The following MAP3K10 variants were observed in gnomAD, a reference collection of about 807,000 sequenced individuals.
MAP3K10 encodes MKN28 derived nonreceptor_type serine/threonine kinase.
MAP3K10 carries 22 observed loss-of-function variants against 75.0 expected under a neutral mutation model. That is an observed-to-expected ratio of 0.29 (90% CI 0.21 to 0.42). MAP3K10 has a LOEUF of 0.42. Among genes scored for constraint, MAP3K10 ranks in the 10% least tolerant of loss-of-function variants. The probability of loss-of-function intolerance (pLI) is 1.00; values close to 1 mark genes in which losing one functional copy is unlikely to be tolerated. For missense variants in MAP3K10, 1,165 were observed against 1,379.8 expected (o/e 0.84, Z 2.47); for synonymous variants, 599 against 612.9 (o/e 0.98, Z 0.34).
chr19:40,200,255 C>T (rs977817861), intron 2 of MAP3K10, among the ~76,000 whole-genome samples: 1 of 152,148 alleles, frequency 6.6e-6, no homozygotes, highest in African/African-American at 2.4e-5. Context: ...CGCCGTTGCA[C>T]TCCAGCCTGG....
chr19:40,201,512 T>A (rs1216174806), intron 2 of MAP3K10, among the ~76,000 whole-genome samples: 5 of 85,514 alleles, frequency 5.8e-5, no homozygotes, highest in African/African-American at 9.0e-5. Flanking sequence ...TTTTTTTTTT[T>A]AACAGGGTCT....
Position 40,205,165 on chromosome 19 carries a change from A to G in MAP3K10, c.1057A>G (p.Ile353Val). ...DPHGRPDFGSILKRLEVIEQS... is the reference protein window; with the variant it reads ...DPHGRPDFGSVLKRLEVIEQS... Reference sequence around the variant, plus strand: ...CCACGGGCGGCCAGATTTCGGTAGCATCTTGAAGCGGCTTGAAGTCATCGA... The same window carrying G: ...CCACGGGCGGCCAGATTTCGGTAGCGTCTTGAAGCGGCTTGAAGTCATCGA... Residue 353 changes from isoleucine to valine, a missense_variant, in exon 4 of 10, where the codon ATC (isoleucine) becomes GTC (valine). Around this residue, in one of 2 missense-constraint regions of MAP3K10, gnomAD observed 575 missense variants for 793.2 expected, o/e 0.72. Transcript: ENST00000253055. This position sits in a 1 kb window ranked among gnomAD's most constrained non-coding sequence, Gnocchi z 4.3. The G allele has an allele frequency of 6.2e-7, 1 of 1,614,012 alleles. No individual in the cohort carries two copies. The highest frequency in any genetic ancestry group is 1.3e-5 in the African/African-American group (1 of 75,044).
rs774408001 is a variant in MAP3K10 at position 40,192,694 on chromosome 19, G to C, written c.663G>C (p.Arg221=). ...HNDAPVPIIH[R]DLKSINILIL... ...ATGCCCCTGTGCCCATCATCCACCG[G>C]GACCTCAAGTCCATCAACAGTAAGT... Residue 221 remains arginine (R), a synonymous_variant, in exon 1 of 10, where the codon CGG becomes CGC. Transcript: ENST00000253055. This position sits in a 1 kb window ranked among gnomAD's most constrained non-coding sequence, Gnocchi z 7.1. The C allele has an allele frequency of 9.1e-6, 14 of 1,543,048 alleles. No homozygotes were observed. The highest frequency in any genetic ancestry group is 1.2e-5 in the Non-Finnish European group (14 of 1,144,208).
In MAP3K10 at chr19:40,206,171, T is replaced by TCCCC; in HGVS notation, c.1435+15_1435+18dup. The TCCCC allele has an allele frequency of 6.3e-7, 1 of 1,578,022 alleles. No homozygotes were observed. ...GCCTGCCCTCTGGTACCCACCCGTG[T>TCCCC]CCCCAGAGCGCCCCCCAAGAGGCTG... On this transcript the variant is annotated intron_variant, in intron 5 of 9. Coordinates refer to ENST00000253055, the MANE Select transcript of MAP3K10 (RefSeq NM_002446.4).
chr19:40,205,928 G>T lies in MAP3K10; in HGVS notation c.1206G>T (p.Glu402Asp). 1.3e-6 allele frequency: 2 copies of T among 1,578,774 alleles called. No homozygotes were observed. The highest frequency in any genetic ancestry group is 1.7e-6 in the Non-Finnish European group (2 of 1,160,772). The change falls in exon 5 of 10, where the codon GAG becomes GAT. Residue 402 changes from glutamate (E) to aspartate (D), a missense_variant. By Grantham distance (45) the Glu-to-Asp change is conservative. Coordinates refer to ENST00000253055, the MANE Select transcript of MAP3K10 (RefSeq NM_002446.4). The surrounding 1 kb of genome is among the most constrained non-coding windows in gnomAD (Gnocchi z 4.3). ...CTTCCCAGGAGCTTCGGAGCCGTGA[G>T]GAGGAGCTGCTGCGGGCGGCACAGG... Reference protein sequence around the residue: ...RTKEKELRSREEELLRAAQEQ... With the variant: ...RTKEKELRSRDEELLRAAQEQ...
In MAP3K10 at chr19:40,198,505, G is replaced by C; in HGVS notation, c.813G>C (p.Ala271=). ...CTGCGGGGACCTACGCCTGGATGGC[G>C]CCGGAGGTTATCCGTCTCTCCCTCT... ...MSAAGTYAWM[A]PEVIRLSLFS... Residue 271 remains alanine (A), a synonymous_variant, in exon 2 of 10, where the codon GCG becomes GCC. Coordinates refer to ENST00000253055, the MANE Select transcript of MAP3K10 (RefSeq NM_002446.4). This position sits in a 1 kb window ranked among gnomAD's most constrained non-coding sequence, Gnocchi z 4.3. 1.9e-6 allele frequency: 3 copies of C among 1,613,988 alleles called. No individual in the cohort carries two copies. The highest frequency in any genetic ancestry group is 2.5e-6 in the Non-Finnish European group (3 of 1,179,934).
Position 40,209,161 on chromosome 19 carries a change from C to T in MAP3K10, c.1494C>T (p.Ser498=), listed in dbSNP as rs750835748. 6.8e-6 allele frequency: 11 copies of T among 1,614,192 alleles called. No homozygotes were observed. Among genetic ancestry groups the T allele is most frequent in the East Asian group, 6.7e-5 (3 of 44,882 alleles). The change falls in exon 6 of 10, where the codon TCC becomes TCT. Residue 498 remains serine (S), a synonymous_variant. Coordinates refer to ENST00000253055, the MANE Select transcript of MAP3K10 (RefSeq NM_002446.4). The part of the protein sequence containing the change: ...ASPTLDKRKG[S]DGASPPASPS... Reference sequence around the variant, plus strand: ...CAACTCTGGATAAGCGGAAAGGATCCGATGGGGCCAGCCCCCCTGCAAGCC... The same window carrying T: ...CAACTCTGGATAAGCGGAAAGGATCTGATGGGGCCAGCCCCCCTGCAAGCC...
chr19:40,201,804 T>C (rs1973029430), intron 2 of MAP3K10, among the ~76,000 whole-genome samples: 2 of 150,862 alleles, frequency 1.3e-5, no homozygotes, highest in Non-Finnish European at 3.0e-5. Flanking sequence ...CTTTTTTTTT[T>C]TTTTTTTTTT....
intron 2 of MAP3K10, among the ~76,000 whole-genome samples, chr19:40,201,492 C>CT (rs36045799): frequency 5.4e-4 from 61 of 113,342 alleles, no homozygotes; most frequent in Middle Eastern, 4.6e-3. Context: ...CGCACCCAGC[C>CT]TTTTTTTTTT....
In MAP3K10 at chr19:40,215,007, C is replaced by A. The variant is rs1005006952; in HGVS notation, c.2580C>A (p.Asp860Glu). The change falls in exon 10 of 10, where the codon GAC (aspartate) becomes GAA (glutamate). Residue 860 changes from aspartate (D) to glutamate (E), a missense_variant. By Grantham distance (45) the Asp-to-Glu change is conservative (BLOSUM62 2). Around this residue, in one of 2 missense-constraint regions of MAP3K10, gnomAD observed 590 missense variants for 586.6 expected, o/e 1.01. Coordinates refer to ENST00000253055, the MANE Select transcript of MAP3K10 (RefSeq NM_002446.4). Reference sequence around the variant, plus strand: ...TTCTGGACTTCCCCCGCCTGCCCGACCCCCAGGCCCTGTTCCCAGCCCGCC... The same window carrying A: ...TTCTGGACTTCCCCCGCCTGCCCGAACCCCAGGCCCTGTTCCCAGCCCGCC... ...RDLLDFPRLP[D>E]PQALFPARRR... is the part of the protein sequence containing the mutation. The A allele has an allele frequency of 9.4e-6, 15 of 1,591,466 alleles. No individual in the cohort carries two copies. The highest frequency in any genetic ancestry group is 1.7e-5 in the Admixed American group (1 of 59,722).
Position 40,198,349 on chromosome 19 carries a change from GACCC to G in MAP3K10, c.683-22_683-19del. 1 of 1,595,966 alleles carries G rather than the reference GACCC, an allele frequency of 6.3e-7. No homozygotes were observed. The highest frequency in any genetic ancestry group is 8.5e-7 in the Non-Finnish European group (1 of 1,169,642). ...GTCTGCGGCGTGGCAGGTCTGGGGT[GACCC>G]ACCTTTCTTCCCACCCCACAGTCCT... On this transcript the variant is annotated intron_variant, in intron 1 of 9. Transcript: ENST00000253055. This position sits in a 1 kb window ranked among gnomAD's most constrained non-coding sequence, Gnocchi z 4.3.
intron 6 of MAP3K10, among the ~76,000 whole-genome samples, chr19:40,211,877 C>T (rs1973247063): frequency 6.6e-6 from 1 of 152,172 alleles, no homozygotes; most frequent in African/African-American, 2.4e-5. Flanking sequence ...GCCTGCACCA[C>T]CATGCCTGGC....
chr19:40,213,765 G>GCGGC lies in MAP3K10; in HGVS notation c.2089_2092dup (p.Asp698GlyfsTer4). ...GGGCGCCGACGTGGCCGAGGCGCGC[G>GCGGC]CGGCCGACGGTGAGGAGCAGCGGCG... is the stretch of plus-strand genomic sequence containing the variant. On this transcript the variant is annotated frameshift_variant, in exon 9 of 10. Coordinates refer to ENST00000253055, the MANE Select transcript of MAP3K10 (RefSeq NM_002446.4). LOFTEE classifies it high-confidence loss of function. This position sits in a 1 kb window ranked among gnomAD's most constrained non-coding sequence, Gnocchi z 5.7. 1 of 1,139,874 alleles carries GCGGC rather than the reference G, an allele frequency of 8.8e-7. No individual in the cohort carries two copies. Among genetic ancestry groups the GCGGC allele is most frequent in the Non-Finnish European group, 1.1e-6 (1 of 926,070 alleles). 70.6% of individuals were successfully genotyped at this position (1,139,874 alleles called of 1,614,324 possible).
chr19:40,215,406 A>T lies in MAP3K10; in HGVS notation c.*114A>T. ...CCTGGGCAGGATGTTCACTCTATTT[A>T]TTGGGGAAGGAGGGAGGGGGGGGAC... On this transcript the variant is annotated 3_prime_UTR_variant, in exon 10 of 10. Transcript: ENST00000253055. 2 of 894,924 alleles carry T rather than the reference A, an allele frequency of 2.2e-6. No individual in the cohort carries two copies. The highest frequency in any genetic ancestry group is 3.3e-6 in the Non-Finnish European group (2 of 606,760). The allele number at this position is 894,924 out of a possible 1,614,324, so 55.4% of individuals were successfully genotyped here. A position where few individuals can be genotyped will look rare whatever the true frequency, so the allele number is the denominator to read the frequency against.
chr19:40,193,992 A>C (rs1413741745), intron 1 of MAP3K10, among the ~76,000 whole-genome samples: 1 of 152,136 alleles, frequency 6.6e-6, no homozygotes, highest in Admixed American at 6.6e-5. Flanking sequence ...GCTATTCCCC[A>C]CCCATAGCAA....
chr19:40,203,334 CAA>C (rs71981575), intron 2 of MAP3K10, among the ~76,000 whole-genome samples: 4 of 137,474 alleles, frequency 2.9e-5, no homozygotes, highest in Non-Finnish European at 3.2e-5. Context: ...GACTTTGTCT[CAA>C]AAAAAAAAAA....
Position 40,214,283 on chromosome 19 carries a change from C to T in MAP3K10, c.2542+62C>T, listed in dbSNP as rs1361207161. On this transcript the variant is annotated intron_variant, in intron 9 of 9. Coordinates refer to ENST00000253055, the MANE Select transcript of MAP3K10 (RefSeq NM_002446.4). ...CCCTTCTTTCCTCCTCTGCCAGGGT[C>T]GCAAGTCCAGCCCAGCCACGACCCC... The T allele has an allele frequency of 1.3e-5, 17 of 1,359,944 alleles. No homozygotes were observed. In the East Asian group the frequency reaches 1.5e-4, roughly 12 times the overall value. The allele number at this position is 1,359,944 out of a possible 1,614,324, so 84.2% of individuals were successfully genotyped here.
At position 40,209,176 on chromosome 19, in the gene MAP3K10, C is replaced by G. The variant is rs753592282; in HGVS notation, c.1509C>G (p.Pro503=). The G allele has an allele frequency of 6.2e-7, 1 of 1,614,234 alleles. No homozygotes were observed. Among genetic ancestry groups the G allele is most frequent in the South Asian group, 1.1e-5 (1 of 91,086 alleles). ...DKRKGSDGAS[P]PASPSIIPRL... ...GGAAAGGATCCGATGGGGCCAGCCC[C>G]CCTGCAAGCCCCAGCATCATCCCCC... is the stretch of plus-strand genomic sequence containing the variant. Residue 503 remains proline, a synonymous_variant, in exon 6 of 10, where the codon CCC becomes CCG. Coordinates refer to ENST00000253055, the MANE Select transcript of MAP3K10 (RefSeq NM_002446.4).
intron 5 of MAP3K10, among the ~76,000 whole-genome samples, chr19:40,206,941 T>C (rs184815532): frequency 8.7e-4 from 133 of 152,138 alleles, no homozygotes; most frequent in African/African-American, 2.4e-3. Flanking sequence ...CTACTAAAAC[T>C]ACAAAATTAG....
Sources: allele counts gnomAD v4.1 joint callset (sites outside exome capture counted in the v4.1 genomes callset), GRCh38; gene constraint gnomAD v4.1.1; regional missense constraint gnomAD v4.1.1; non-coding constraint Gnocchi (gnomAD v3.1); transcripts MANE v1.5; gene names NCBI Gene and HGNC (gene_info 2026-07-23, HGNC 2026-07-21).